CACNA2D1: variants seen among roughly 807,000 people sequenced by gnomAD.
CACNA2D1 encodes the protein calcium voltage-gated channel auxiliary subunit alpha2delta 1, also known as voltage-dependent calcium channel subunit alpha-2/delta-1.
In CACNA2D1, 53 loss-of-function variants were observed where a neutral mutation model predicts 171.5. That is an observed-to-expected ratio of 0.31 (90% CI 0.25 to 0.39). CACNA2D1 has a LOEUF of 0.39. Ranked by LOEUF, CACNA2D1 falls within the 10% of genes least tolerant of loss-of-function variation. CACNA2D1 has a pLI of 1.00. For missense variants in CACNA2D1, 903 were observed against 1,299.8 expected (o/e 0.69, Z 4.69); for synonymous variants, 442 against 443.1 (o/e 1.00, Z 0.03).
At chr7:81,992,388 T>C (rs1340565850) in intron 20 of CACNA2D1, among the ~76,000 whole-genome samples, 2 of 152,042 alleles carry the variant, frequency 1.3e-5, no homozygotes, top group South Asian at 4.2e-4. Context: ...AAATTCATGT[T>C]TGTGACAACT....
chr7:81,992,629 A>C (rs1172192847), intron 20 of CACNA2D1, among the ~76,000 whole-genome samples: 3 of 152,218 alleles, frequency 2.0e-5, no homozygotes, highest in Non-Finnish European at 4.4e-5. Context: ...CAGAGCAGAG[A>C]AATAAAAATG....
intron 6 of CACNA2D1, among the ~76,000 whole-genome samples, chr7:82,102,939 T>C (rs1007086207): frequency 1.2e-4 from 19 of 152,196 alleles, no homozygotes; most frequent in Non-Finnish European, 2.2e-4. Context: ...TGATTATTTT[T>C]AACTTCATTA....
intron 8 of CACNA2D1, among the ~76,000 whole-genome samples, chr7:82,065,235 C>T (rs1404331884): frequency 6.6e-6 from 1 of 152,262 alleles, no homozygotes; most frequent in African/African-American, 2.4e-5. Context: ...GTTGAGGAAG[C>T]AGTTGGAGTT....
chr7:82,249,507 AAAGAC>A (rs1805370797), intron 3 of CACNA2D1, among the ~76,000 whole-genome samples: 1 of 152,228 alleles, frequency 6.6e-6, no homozygotes, highest in Non-Finnish European at 1.5e-5. Context: ...CTGGCTAAAG[AAAGAC>A]ATTTCCTTGG....
chr7:82,380,745 T>C (rs1233729284), intron 1 of CACNA2D1, among the ~76,000 whole-genome samples: 1 of 152,040 alleles, frequency 6.6e-6, no homozygotes, highest in Non-Finnish European at 1.5e-5. Context: ...CCCACACTGG[T>C]GTGCGGTGGC....
chr7:82,310,889 T>G (rs2129432771), intron 3 of CACNA2D1, among the ~76,000 whole-genome samples: 1 of 152,260 alleles, frequency 6.6e-6, no homozygotes, highest in Non-Finnish European at 1.5e-5. Context: ...CAGAATAAAA[T>G]TTTAAGTTGT....
intron 6 of CACNA2D1, among the ~76,000 whole-genome samples, chr7:82,092,842 T>C (rs2129021086): frequency 6.6e-6 from 1 of 152,160 alleles, no homozygotes; most frequent in Admixed American, 6.5e-5. Context: ...AGAAATACCC[T>C]AAAGATCTTT....
intron 5 of CACNA2D1, among the ~76,000 whole-genome samples, chr7:82,126,422 A>G (rs1299693024): frequency 6.6e-6 from 1 of 152,218 alleles, no homozygotes; most frequent in Non-Finnish European, 1.5e-5. Context: ...TCTTCTGTAT[A>G]TTTAAAATCT....
intron 3 of CACNA2D1, among the ~76,000 whole-genome samples, chr7:82,262,086 C>T (rs574767879): frequency 5.1e-4 from 77 of 152,292 alleles, no homozygotes; most frequent in African/African-American, 1.8e-3. Context: ...AATCCCAGCA[C>T]TTTGGGAGGC....
Position 81,965,564 on chromosome 7 carries a change from G to A in CACNA2D1, c.2574+30C>T, listed in dbSNP as rs1177757640. On this transcript the variant is annotated intron_variant, in intron 32 of 38. Coordinates refer to ENST00000356860, the MANE Select transcript of CACNA2D1 (RefSeq NM_000722.4). Reference sequence around the variant, plus strand: ...TGATCCGGGAAACACACTTTGGAAAGCCTAATTCCCTCTTATTTGAGGTAC... The same window carrying A: ...TGATCCGGGAAACACACTTTGGAAAACCTAATTCCCTCTTATTTGAGGTAC... The A allele has an allele frequency of 6.0e-6, 7 of 1,175,784 alleles. 1 individual carries two copies. The highest frequency in any genetic ancestry group is 9.0e-6 in the Non-Finnish European group (7 of 780,462). 72.8% of individuals were successfully genotyped at this position (1,175,784 alleles called of 1,614,324 possible).
intron 6 of CACNA2D1, among the ~76,000 whole-genome samples, chr7:82,104,792 A>G (rs1218422602): frequency 6.6e-6 from 1 of 152,094 alleles, no homozygotes; most frequent in African/African-American, 2.4e-5. Context: ...GATACGATTT[A>G]AGAATACATG....
At chr7:82,057,189 T>A (rs552126399) in intron 10 of CACNA2D1, among the ~76,000 whole-genome samples, 8 of 152,294 alleles carry the variant, frequency 5.3e-5, no homozygotes, top group Middle Eastern at 3.4e-3. Context: ...TAACCTCACA[T>A]TGGTAGCTTA....
chr7:82,333,009 A>G (rs1358640918), intron 3 of CACNA2D1, among the ~76,000 whole-genome samples: 56 of 152,328 alleles, frequency 3.7e-4, no homozygotes, highest in Admixed American at 3.6e-3. Context: ...AAAAACAAAC[A>G]AAGAATAAGA....
chr7:82,146,930 A>T (rs1170533891), intron 4 of CACNA2D1, among the ~76,000 whole-genome samples: 1 of 128,270 alleles, frequency 7.8e-6, no homozygotes, highest in Non-Finnish European at 1.6e-5. Flanking sequence ...GGTTGCAGTG[A>T]GCCGAGTCAG....
intron 4 of CACNA2D1, among the ~76,000 whole-genome samples, chr7:82,147,852 A>T (rs1793323904): frequency 6.6e-6 from 1 of 152,168 alleles, no homozygotes; most frequent in African/African-American, 2.4e-5. Context: ...CATCAATTTC[A>T]TTCATCTTTC....
intron 12 of CACNA2D1, among the ~76,000 whole-genome samples, chr7:82,016,340 T>C (rs1247017716): frequency 1.3e-5 from 2 of 152,132 alleles, no homozygotes; most frequent in Non-Finnish European, 2.9e-5. Context: ...GGGATCTCTC[T>C]CATAACTAAC....
At chr7:82,350,620 G>C (rs978022719) in intron 1 of CACNA2D1, among the ~76,000 whole-genome samples, 1 of 152,126 alleles carries the variant, frequency 6.6e-6, no homozygotes, top group Non-Finnish European at 1.5e-5. Flanking sequence ...AGCTGAGATC[G>C]CGCCACTGCA....
intron 1 of CACNA2D1, among the ~76,000 whole-genome samples, chr7:82,373,106 C>G (rs1024525745): frequency 6.6e-6 from 1 of 152,118 alleles, no homozygotes; most frequent in Non-Finnish European, 1.5e-5. Flanking sequence ...ATCGCTTGAA[C>G]CCAGGAGGCA....
chr7:82,106,582 T>C (rs1787790538), intron 6 of CACNA2D1, among the ~76,000 whole-genome samples: 1 of 151,922 alleles, frequency 6.6e-6, no homozygotes, highest in Non-Finnish European at 1.5e-5. Flanking sequence ...TAAGAAAAAA[T>C]AAAGCAATAA....
Sources: gnomAD v4.1 joint callset for allele counts (sites outside exome capture counted in the v4.1 genomes callset) on GRCh38, gnomAD v4.1.1 for gene constraint, MANE v1.5 for transcripts, NCBI Gene and HGNC (gene_info 2026-07-23, HGNC 2026-07-21) for gene names.